The following XYLB variants were observed in gnomAD, a reference collection of about 807,000 sequenced individuals.
XYLB encodes the protein xylulokinase.
A neutral mutation model predicts 78.7 loss-of-function variants in XYLB; 62 were observed. The ratio of observed to expected loss-of-function variants is 0.79; its 90% CI spans 0.64 to 0.97. The LOEUF is 0.97. XYLB is among the 50% of genes least tolerant of loss of function. The probability of loss-of-function intolerance (pLI) is 0.00; values close to 1 mark genes in which losing one functional copy is unlikely to be tolerated. For synonymous variants in XYLB, 245 were observed against 247.4 expected, an observed-to-expected ratio of 0.99 and a Z score of 0.09; for missense variants, 687 against 676.8, an observed-to-expected ratio of 1.02 and a Z score of -0.17.
intron 18 of XYLB, among the ~76,000 whole-genome samples, chr3:38,406,309 G>C (rs1708319681): frequency 6.6e-6 from 1 of 152,216 alleles, no homozygotes; most frequent in Non-Finnish European, 1.5e-5. Context: ...AACTCCAACA[G>C]ACCTGCAGCT....
At chr3:38,370,991 G>A (rs1313365806) in intron 9 of XYLB, among the ~76,000 whole-genome samples, 1 of 152,228 alleles carries the variant, frequency 6.6e-6, no homozygotes, top group Non-Finnish European at 1.5e-5. Context: ...GAGTGCTGGT[G>A]TGAAGAAGGG....
At position 38,351,131 on chromosome 3, in the gene XYLB, C is replaced by T. The variant is rs1458522286; in HGVS notation, c.140+2499C>T. Among the ~76,000 whole-genome samples the T allele has an allele frequency of 8.1e-5, 11 of 135,422 alleles. No individual in the cohort carries two copies. In the Admixed American group the frequency reaches 9.4e-4, roughly 12 times the overall value. The allele number at this position is 135,422 out of a possible 152,430, so 88.8% of individuals were successfully genotyped here. ...AGGTTTCGGTGAGCCAAGATCGCGC[C>T]ACTGCACTCCAGCCTGGACAACAGA... On this transcript the variant is annotated intron_variant, in intron 2 of 18. Transcript: ENST00000207870.
intron 2 of XYLB, among the ~76,000 whole-genome samples, chr3:38,351,494 T>C (rs1415833511): frequency 1.3e-5 from 2 of 152,196 alleles, no homozygotes; most frequent in African/African-American, 2.4e-5. Flanking sequence ...ATCACCTCAA[T>C]TGCATTGTGG....
At chr3:38,353,769 C>G (rs1005690201) in intron 2 of XYLB, among the ~76,000 whole-genome samples, 2 of 151,530 alleles carry the variant, frequency 1.3e-5, no homozygotes, top group Non-Finnish European at 1.5e-5. Context: ...TGCCTGTAGT[C>G]TCAGCTACTT....
At chr3:38,390,071 A>G (rs146122559) in intron 15 of XYLB, among the ~76,000 whole-genome samples, 12 of 152,292 alleles carry the variant, frequency 7.9e-5, no homozygotes, top group African/African-American at 2.9e-4. Context: ...CAAAAATATG[A>G]TGCTCTGGTT....
chr3:38,407,206 A>G (rs1331408553), intron 18 of XYLB, among the ~76,000 whole-genome samples: 1 of 150,156 alleles, frequency 6.7e-6, no homozygotes, highest in Non-Finnish European at 1.5e-5. Flanking sequence ...TCTACAAGCC[A>G]GAAGAGAGTG....
chr3:38,418,069 C>A (rs1443791538), downstream of XYLB, among the ~76,000 whole-genome samples: 2 of 151,122 alleles, frequency 1.3e-5, no homozygotes, highest in African/African-American at 4.9e-5. Flanking sequence ...GTAGCAGACG[C>A]CTGTAATCCC....
intron 2 of XYLB, among the ~76,000 whole-genome samples, chr3:38,351,171 CAAAAAAAAAAAAAAA>C (rs58457623): frequency 1.7e-4 from 4 of 23,074 alleles, no homozygotes; most frequent in Non-Finnish European, 2.9e-4. Context: ...GAGCCTGTCT[CAAAAAAAAAAAAAAA>C]AAAAAAAAAA....
intron 8 of XYLB, 152 bp downstream of exon 8, chr3:38,368,409 C>A: frequency 1.4e-6 from 1 of 691,042 alleles, no homozygotes. Context: ...TATCTTTTAC[C>A]ACATAACAAA....
rs553337816 is a variant in XYLB at position 38,376,875 on chromosome 3, T to G, written c.1121-43T>G. On this transcript the variant is annotated intron_variant, in intron 13 of 18. Transcript: ENST00000207870. Reference sequence around the variant, plus strand: ...GTCTGTTAAGAAGCTGATCTTTTGTTTTTTGACTAATGACGGCTGATCTCT... The same window carrying G: ...GTCTGTTAAGAAGCTGATCTTTTGTGTTTTGACTAATGACGGCTGATCTCT... 3.2e-5 allele frequency: 50 copies of G among 1,569,326 alleles called. No individual in the cohort carries two copies. In the South Asian group the frequency reaches 4.5e-4, roughly 14 times the overall value.
At chr3:38,434,412 T>C in the XYLB span, among the ~76,000 whole-genome samples, 2 of 145,628 alleles carry the variant, frequency 1.4e-5, no homozygotes, top group South Asian at 2.1e-4. Context: ...GATAATTGGA[T>C]GATATATTCA....
intron 17 of XYLB, among the ~76,000 whole-genome samples, chr3:38,398,720 T>C (rs2125651699): frequency 6.6e-6 from 1 of 151,744 alleles, no homozygotes; most frequent in South Asian, 2.1e-4. Context: ...GTCTTTTTTT[T>C]TTTTTTAACT....
At chr3:38,447,823 A>G in the XYLB span, among the ~76,000 whole-genome samples, 7 of 152,316 alleles carry the variant, frequency 4.6e-5, no homozygotes, top group African/African-American at 1.7e-4. Flanking sequence ...CACTATTCTT[A>G]AAAGAGAAGA....
rs780728923 is a variant in XYLB at position 38,372,737 on chromosome 3, G to A, written c.847+1G>A. Reference sequence around the variant, plus strand: ...GTGGCCTTCACTGGGGACAACCCAGGTGAGTATCTCGGGGAGTTTCACTCT... The same window carrying A: ...GTGGCCTTCACTGGGGACAACCCAGATGAGTATCTCGGGGAGTTTCACTCT... On this transcript the variant is annotated splice_donor_variant, in intron 10 of 18. Transcript: ENST00000207870. LOFTEE classifies it high-confidence loss of function. 1.9e-6 allele frequency: 3 copies of A among 1,614,154 alleles called. No individual in the cohort carries two copies. The Admixed American group carries it at 5.0e-5, about 27-fold the overall frequency.
intron 18 of XYLB, among the ~76,000 whole-genome samples, chr3:38,407,736 A>G (rs1026914617): frequency 1.2e-4 from 18 of 152,192 alleles, no homozygotes; most frequent in Non-Finnish European, 1.6e-4. Flanking sequence ...TTGCAATCCT[A>G]GTCTCTGATA....
the XYLB span, among the ~76,000 whole-genome samples, chr3:38,445,983 G>C: frequency 6.6e-6 from 1 of 152,198 alleles, no homozygotes; most frequent in Admixed American, 6.5e-5. Context: ...CTGACCTCAA[G>C]AATGAAGTCG....
Position 38,377,025 on chromosome 3 carries a change from C to T in XYLB, c.1194+34C>T, listed in dbSNP as rs149502487. 3.1e-4 allele frequency: 492 copies of T among 1,575,908 alleles called. 4 individuals are homozygous for T. The East Asian group carries it at 7.1e-3, about 23-fold the overall frequency. ...GCTGTTGGTGTTGGAGTTACATTGG[C>T]TCCATTTGTGAGTGTAAAATTTAAC... On this transcript the variant is annotated intron_variant, in intron 14 of 18. Transcript: ENST00000207870.
At chr3:38,380,588 A>G (rs1161892658) in intron 15 of XYLB, among the ~76,000 whole-genome samples, 1 of 152,224 alleles carries the variant, frequency 6.6e-6, no homozygotes, top group Non-Finnish European at 1.5e-5. Context: ...AAAGGATACT[A>G]TAAAAATACC....
intron 15 of XYLB, among the ~76,000 whole-genome samples, chr3:38,387,639 T>C (rs539806336): frequency 1.3e-5 from 2 of 152,370 alleles, no homozygotes; most frequent in Non-Finnish European, 2.9e-5. Context: ...CCCAAAGTGC[T>C]GGGATTACAG....
Sources: allele counts gnomAD v4.1 joint callset (sites outside exome capture counted in the v4.1 genomes callset), GRCh38; gene constraint gnomAD v4.1.1; transcripts MANE v1.5; gene names NCBI Gene and HGNC (gene_info 2026-07-23, HGNC 2026-07-21).